The following PRRC2B variants were observed in gnomAD, a reference collection of about 807,000 sequenced individuals.
PRRC2B encodes proline rich coiled-coil 2B.
A neutral mutation model predicts 242.3 loss-of-function variants in PRRC2B; 68 were observed. The ratio of observed to expected loss-of-function variants is 0.28; its 90% CI spans 0.23 to 0.34. The LOEUF (loss-of-function observed/expected upper bound fraction) is 0.34, where lower values mean the gene tolerates loss of function less well. Among genes scored for constraint, PRRC2B ranks in the 10% least tolerant of loss-of-function variants. The pLI is 1.00. For synonymous variants in PRRC2B, 1,228 were observed against 1,173.6 expected, an observed-to-expected ratio of 1.05 and a Z score of -0.95; for missense variants, 2,835 against 2,954.8, an observed-to-expected ratio of 0.96 and a Z score of 0.94.
intron 11 of PRRC2B, among the ~76,000 whole-genome samples, chr9:131,459,709 A>T (rs753027752): frequency 6.6e-6 from 1 of 151,768 alleles, no homozygotes; most frequent in Non-Finnish European, 1.5e-5. Flanking sequence ...GGCTCATTTC[A>T]TTCATTTTTT....
intron 5 of PRRC2B, among the ~76,000 whole-genome samples, chr9:131,439,289 T>C (rs552275076): frequency 6.6e-6 from 1 of 152,302 alleles, no homozygotes; most frequent in South Asian, 2.1e-4. Context: ...AGAGGAGTGC[T>C]GACTGGGCTG....
chr9:131,463,540 G>A (rs928902522), intron 11 of PRRC2B, among the ~76,000 whole-genome samples: 1 of 151,378 alleles, frequency 6.6e-6, no homozygotes, highest in Non-Finnish European at 1.5e-5. Context: ...GACCCCTGCA[G>A]ACCAGTAAGA....
chr9:131,403,699 T>A (rs1385570254), intron 1 of PRRC2B, among the ~76,000 whole-genome samples: 1 of 151,762 alleles, frequency 6.6e-6, no homozygotes, highest in Non-Finnish European at 1.5e-5. Context: ...AAGCCAAGTG[T>A]TTGAAGAGAA....
chr9:131,444,339 G>A lies in PRRC2B; in HGVS notation c.613+11G>A. On this transcript the variant is annotated intron_variant, in intron 6 of 31. Transcript: ENST00000683519. ...GCCTCCGCCCTCAGAGTAAGTGACT[G>A]CAGCCTCTGGGCACTCGATGGAGTA... 1 of 1,608,756 alleles carries A rather than the reference G, an allele frequency of 6.2e-7. No homozygotes were observed. Among genetic ancestry groups the A allele is most frequent in the Non-Finnish European group, 8.5e-7 (1 of 1,177,656 alleles).
At chr9:131,453,591 GCACAGT>G (rs1317860646) in intron 9 of PRRC2B, among the ~76,000 whole-genome samples, 4 of 152,100 alleles carry the variant, frequency 2.6e-5, no homozygotes, top group Non-Finnish European at 4.4e-5. Context: ...GAGTGCAGTG[GCACAGT>G]CACAGCTCAC....
chr9:131,455,194 A>G (rs776598861), intron 10 of PRRC2B, 28 bp downstream of exon 10: 8 of 1,487,014 alleles, frequency 5.4e-6, no homozygotes, highest in East Asian at 2.3e-5. Flanking sequence ...CCCTATCAGC[A>G]TGAGTGCATC....
intron 1 of PRRC2B, among the ~76,000 whole-genome samples, chr9:131,386,662 A>G (rs530771549): frequency 9.3e-5 from 14 of 150,172 alleles, no homozygotes; most frequent in Admixed American, 2.8e-4. Context: ...GTTGTAGCCA[A>G]TGAGGTCAAG....
At chr9:131,481,585 A>G (rs1242200392) in intron 19 of PRRC2B, 141 bp from the exon 20 acceptor site, 2 of 659,828 alleles carry the variant, frequency 3.0e-6, no homozygotes, top group Non-Finnish European at 5.4e-6. Flanking sequence ...TGTCACGGGT[A>G]GGGGGCTGGG....
rs749811639 is a variant in PRRC2B, at chr9:131,475,044, G to T, written c.2915G>T (p.Arg972Leu). ...CAGGAGCTAGGGGAGGAGAGTACCC[G>T]GCTGGCCAAGGAGAAGGAGCAGAGC... Reference protein sequence around the residue: ...IKQELGEESTRLAKEKEQSPT... With the variant: ...IKQELGEESTLLAKEKEQSPT... Residue 972 changes from arginine to leucine, a missense_variant, in exon 16 of 32, where the codon CGG becomes CTG. Around this residue, in one of 7 missense-constraint regions of PRRC2B, gnomAD observed 1,536 missense variants for 1,483.1 expected, o/e 1.04. Coordinates refer to ENST00000683519, the MANE Select transcript of PRRC2B (RefSeq NM_013318.4). The T allele has an allele frequency of 2.5e-6, 4 of 1,608,106 alleles. No individual in the cohort carries two copies. Among genetic ancestry groups the T allele is most frequent in the African/African-American group, 2.7e-5 (2 of 74,816 alleles).
At chr9:131,416,153 G>T (rs963460060) in intron 1 of PRRC2B, among the ~76,000 whole-genome samples, 2 of 151,466 alleles carry the variant, frequency 1.3e-5, no homozygotes, top group African/African-American at 2.4e-5. Context: ...CTGTTGCCCA[G>T]GCTGGAGTGC....
chr9:131,488,295 G>A (rs1311384979), intron 28 of PRRC2B, among the ~76,000 whole-genome samples, 199 bp downstream of exon 28: 2 of 145,254 alleles, frequency 1.4e-5, no homozygotes, highest in African/African-American at 5.1e-5. Flanking sequence ...ACAGAGTCTC[G>A]CTCTGTTGCC....
chr9:131,494,274 C>T lies in PRRC2B; in HGVS notation c.6474-131C>T, dbSNP rs1944271674. 5 of 605,808 alleles carry T rather than the reference C, an allele frequency of 8.3e-6. No homozygotes were observed. Among genetic ancestry groups the T allele is most frequent in the Middle Eastern group, 2.9e-4 (1 of 3,436 alleles). 37.5% of individuals were successfully genotyped at this position (605,808 alleles called of 1,614,324 possible). ...GGTTGTTTTCCATCCAAGAGATCCACGGACCGTCCCGAGTGAGCGCCTCTG... is the reference window on the plus strand; with the variant it reads ...GGTTGTTTTCCATCCAAGAGATCCATGGACCGTCCCGAGTGAGCGCCTCTG... On this transcript the variant is annotated intron_variant, in intron 30 of 31. Transcript: ENST00000683519. This position sits in a 1 kb window ranked among gnomAD's most constrained non-coding sequence, Gnocchi z 4.3.
chr9:131,488,972 G>C (rs1944105125), intron 28 of PRRC2B, among the ~76,000 whole-genome samples: 1 of 152,064 alleles, frequency 6.6e-6, no homozygotes, highest in Non-Finnish European at 1.5e-5. Context: ...GATGACCCCG[G>C]GTCTCTGTGC....
intron 1 of PRRC2B, among the ~76,000 whole-genome samples, chr9:131,429,144 G>A (rs1001370086): frequency 5.3e-5 from 8 of 151,926 alleles, no homozygotes; most frequent in African/African-American, 1.5e-4. Flanking sequence ...ACAGGGTTTC[G>A]CCATGCTGGC....
Position 131,470,946 on chromosome 9 carries a change from C to A in PRRC2B, c.2070C>A (p.Thr690=). The change falls in exon 14 of 32, where the codon ACC becomes ACA. Residue 690 remains threonine, a synonymous_variant. Coordinates refer to ENST00000683519, the MANE Select transcript of PRRC2B (RefSeq NM_013318.4). The part of the protein sequence containing the change: ...YMDPRITPTR[T]PVDFYPSALH... ...ACCCACGTATCACGCCCACTCGGACCCCGGTGGACTTCTACCCCTCCGCCC... is the reference window on the plus strand; with the variant it reads ...ACCCACGTATCACGCCCACTCGGACACCGGTGGACTTCTACCCCTCCGCCC... The A allele has an allele frequency of 2.5e-6, 4 of 1,612,452 alleles. No homozygotes were observed. The highest frequency in any genetic ancestry group is 3.4e-6 in the Non-Finnish European group (4 of 1,179,094).
chr9:131,424,185 G>A (rs751128439), intron 1 of PRRC2B, among the ~76,000 whole-genome samples: 4 of 152,120 alleles, frequency 2.6e-5, no homozygotes, highest in Non-Finnish European at 2.9e-5. Context: ...CAAGTGATCC[G>A]CCTGCTTCAG....
chr9:131,478,670 T>C, intron 18 of PRRC2B, 51 bp downstream of exon 18: 1 of 1,369,866 alleles, frequency 7.3e-7, no homozygotes, highest in South Asian at 1.2e-5. Context: ...GGCTGGCAGA[T>C]GCCCAGGAAA....
At chr9:131,486,278 T>A in intron 26 of PRRC2B, 96 bp downstream of exon 26, 1 of 939,260 alleles carries the variant, frequency 1.1e-6, no homozygotes, top group Non-Finnish European at 1.6e-6. Flanking sequence ...ATTGTCTGTC[T>A]GGTTTTCCAT....
At chr9:131,448,680 G>A (rs73553629) in intron 9 of PRRC2B, among the ~76,000 whole-genome samples, 4,396 of 151,322 alleles carry the variant, frequency 0.029, 202 homozygotes, top group African/African-American at 0.099. Context: ...CTCAGCCTCC[G>A]GAGTAGCTGG....
Sources: allele counts gnomAD v4.1 joint callset (sites outside exome capture counted in the v4.1 genomes callset), GRCh38; gene constraint gnomAD v4.1.1; regional missense constraint gnomAD v4.1.1; non-coding constraint Gnocchi (gnomAD v3.1); transcripts MANE v1.5; gene names NCBI Gene and HGNC (gene_info 2026-07-23, HGNC 2026-07-21).